The following RPAP2 variants were observed in gnomAD, a reference collection of about 807,000 sequenced individuals.
RPAP2 encodes the protein putative RNA polymerase II subunit B1 CTD phosphatase RPAP2.
In RPAP2, 52 loss-of-function variants were observed where a neutral mutation model predicts 73.1. That is an observed-to-expected ratio of 0.71 (90% CI 0.57 to 0.90). RPAP2 has a LOEUF of 0.90. RPAP2 is among the 40% of genes least tolerant of loss of function. The pLI is 0.00. For synonymous variants in RPAP2, 225 were observed against 242.1 expected (o/e 0.93, Z 0.65); for missense variants, 598 against 701.8 (o/e 0.85, Z 1.67).
At chr1:92,366,939 T>G (rs1266624078) in intron 11 of RPAP2, among the ~76,000 whole-genome samples, 1 of 152,178 alleles carries the variant, frequency 6.6e-6, no homozygotes, top group Non-Finnish European at 1.5e-5. Context: ...CATTTACCAC[T>G]TGTTCTTGTA....
chr1:92,369,184 T>G (rs1450647930), intron 11 of RPAP2, among the ~76,000 whole-genome samples: 1 of 152,240 alleles, frequency 6.6e-6, no homozygotes, highest in Non-Finnish European at 1.5e-5. Context: ...AATAAGTATT[T>G]CCTGCATAAA....
chr1:92,384,929 C>T (rs113301381), intron 12 of RPAP2, among the ~76,000 whole-genome samples: 7,360 of 152,056 alleles, frequency 0.048, 621 homozygotes, highest in African/African-American at 0.17. Context: ...GTGGGAGGAT[C>T]GCTTGAGCCC....
At chr1:92,368,213 T>C (rs939532016) in intron 11 of RPAP2, among the ~76,000 whole-genome samples, 5 of 152,110 alleles carry the variant, frequency 3.3e-5, no homozygotes, top group African/African-American at 1.2e-4. Flanking sequence ...ACCCCATCTC[T>C]AATAAAAATA....
rs145108685 is a variant in RPAP2, at chr1:92,374,663, A to G, written c.1689-6061A>G. Among the ~76,000 whole-genome samples, 11 of 152,354 alleles carry G rather than the reference A, an allele frequency of 7.2e-5. No individual in the cohort carries two copies. The East Asian group carries it at 2.1e-3, about 29-fold the overall frequency. Reference sequence around the variant, plus strand: ...GATCAAAACCATAGTAGGCGGATAAAATGTTATAATCTCACTTCTGATTCA... The same window carrying G: ...GATCAAAACCATAGTAGGCGGATAAGATGTTATAATCTCACTTCTGATTCA... On this transcript the variant is annotated intron_variant, in intron 11 of 12. Transcript: ENST00000610020.
intron 11 of RPAP2, among the ~76,000 whole-genome samples, chr1:92,356,239 A>C (rs1654455856): frequency 6.6e-6 from 1 of 151,424 alleles, no homozygotes; most frequent in African/African-American, 2.4e-5. Context: ...AGCCTCCCAA[A>C]GTGCTAGGAT....
intron 8 of RPAP2, among the ~76,000 whole-genome samples, chr1:92,324,861 AT>A (rs1652535343): frequency 6.6e-6 from 1 of 152,246 alleles, no homozygotes; most frequent in African/African-American, 2.4e-5. Context: ...TTATTGGGAA[AT>A]AATGGACAAA....
intron 10 of RPAP2, among the ~76,000 whole-genome samples, chr1:92,341,439 A>C (rs1217943664): frequency 1.3e-5 from 2 of 152,348 alleles, no homozygotes; most frequent in African/African-American, 2.4e-5. Context: ...AATAGGAAAA[A>C]TATGAAAACA....
In RPAP2 at chr1:92,304,354, G is replaced by C; in HGVS notation, c.399+5G>C. 1 of 1,474,412 alleles carries C rather than the reference G, an allele frequency of 6.8e-7. No individual in the cohort carries two copies. Among genetic ancestry groups the C allele is most frequent in the Non-Finnish European group, 9.3e-7 (1 of 1,077,286 alleles). The allele number at this position is 1,474,412 out of a possible 1,614,324, so 91.3% of individuals were successfully genotyped here. A position where few individuals can be genotyped will look rare whatever the true frequency, so the allele number is the denominator to read the frequency against. ...TATGATATTACTGAAAGAAAGGTGA[G>C]TTTAAAGGCTTTCATTGTGGCAATT... On this transcript the variant is annotated splice_donor_5th_base_variant and intron_variant, in intron 5 of 12. Coordinates refer to ENST00000610020, the MANE Select transcript of RPAP2 (RefSeq NM_024813.3).
intron 8 of RPAP2, among the ~76,000 whole-genome samples, chr1:92,331,361 G>A (rs759273443): frequency 6.6e-6 from 1 of 152,046 alleles, no homozygotes; most frequent in Non-Finnish European, 1.5e-5. Context: ...CAGTATTTGG[G>A]TTTAAATCTA....
At position 92,391,298 on chromosome 1, in the gene RPAP2, A is replaced by G. The variant is rs1297060606; in HGVS notation, c.*4287A>G. On this transcript the variant is annotated 3_prime_UTR_variant, in exon 13 of 13. Coordinates refer to ENST00000610020, the MANE Select transcript of RPAP2 (RefSeq NM_024813.3). ...TGAATGACTACTGGGTAAATAACGA[A>G]ATGAAGGCAGAAATAAAGATGTTCT... 6.6e-6 allele frequency: 1 copy of G among 152,200 alleles called. No homozygotes were observed. The highest frequency in any genetic ancestry group is 1.5e-5 in the Non-Finnish European group (1 of 68,024). 9.4% of individuals were successfully genotyped at this position (152,200 alleles called of 1,614,324 possible).
intron 11 of RPAP2, among the ~76,000 whole-genome samples, chr1:92,346,839 C>A (rs1653928972): frequency 6.6e-6 from 1 of 152,072 alleles, no homozygotes; most frequent in South Asian, 2.1e-4. Context: ...TTGTAAAATT[C>A]TTCTTTTGAG....
intron 9 of RPAP2, among the ~76,000 whole-genome samples, chr1:92,334,456 T>C (rs572181093): frequency 2.0e-5 from 3 of 152,306 alleles, no homozygotes; most frequent in East Asian, 1.9e-4. Flanking sequence ...ATTGTGATTA[T>C]ATAAGAAAGT....
intron 6 of RPAP2, among the ~76,000 whole-genome samples, chr1:92,309,675 G>A (rs1444277745): frequency 6.6e-6 from 1 of 152,082 alleles, no homozygotes; most frequent in Non-Finnish European, 1.5e-5. Context: ...CTGGATGCCA[G>A]AACATGAATT....
At chr1:92,337,344 T>C (rs1252455910) in intron 10 of RPAP2, among the ~76,000 whole-genome samples, 2 of 152,148 alleles carry the variant, frequency 1.3e-5, no homozygotes, top group South Asian at 2.1e-4. Context: ...TAACACCTAA[T>C]AGACATCATT....
chr1:92,381,392 C>A (rs1655621901), intron 12 of RPAP2, among the ~76,000 whole-genome samples: 1 of 152,162 alleles, frequency 6.6e-6, no homozygotes, highest in South Asian at 2.1e-4. Flanking sequence ...CTCCTACTAT[C>A]CCAAACCCTT....
rs957831091 is a variant in RPAP2 at position 92,323,332 on chromosome 1, C to T, written c.525-113C>T. The T allele has an allele frequency of 6.4e-6, 4 of 628,370 alleles. No homozygotes were observed. In the Admixed American group the frequency reaches 9.7e-5, roughly 15 times the overall value. 38.9% of individuals were successfully genotyped at this position (628,370 alleles called of 1,614,324 possible). A position where few individuals can be genotyped will look rare whatever the true frequency, so the allele number is the denominator to read the frequency against. On this transcript the variant is annotated intron_variant, in intron 7 of 12. Transcript: ENST00000610020. ...GGTTTTGTCTGGGGAATAAAAATTT[C>T]TACCTTGAAAGTTACAATGTATAAA...
chr1:92,308,333 T>G (rs1186619412), intron 6 of RPAP2, among the ~76,000 whole-genome samples: 1 of 152,096 alleles, frequency 6.6e-6, no homozygotes, highest in African/African-American at 2.4e-5. Flanking sequence ...GTTGGGAAAA[T>G]AAAAGACTCT....
intron 10 of RPAP2, among the ~76,000 whole-genome samples, chr1:92,340,814 C>T (rs1470288851): frequency 1.3e-5 from 2 of 152,052 alleles, no homozygotes; most frequent in South Asian, 2.1e-4. Flanking sequence ...ATTGGTTTAC[C>T]TGTCGTAGTG....
At chr1:92,345,715 G>A in intron 10 of RPAP2, 131 bp from the exon 11 acceptor site, 1 of 595,312 alleles carries the variant, frequency 1.7e-6, no homozygotes, top group South Asian at 2.2e-5. Context: ...ACTCTTTCCT[G>A]TCAAATATAA....
Sources: gnomAD v4.1 joint callset for allele counts (sites outside exome capture counted in the v4.1 genomes callset) on GRCh38, gnomAD v4.1.1 for gene constraint, MANE v1.5 for transcripts, NCBI Gene and HGNC (gene_info 2026-07-23, HGNC 2026-07-21) for gene names.